The following REN variants were observed in gnomAD, a reference collection of about 807,000 sequenced individuals.
REN encodes renin.
In REN, 42 loss-of-function variants were observed where a neutral mutation model predicts 48.6. The observed-to-expected ratio is 0.86, with a 90% CI of 0.68 to 1.12. The LOEUF is 1.12. Ranked by LOEUF, REN falls within the 50% of genes most tolerant of loss-of-function variation. REN has a pLI of 0.00. For missense variants in REN, 443 were observed against 527.3 expected, an observed-to-expected ratio of 0.84 and a Z score of 1.57; for synonymous variants, 196 against 204.6, an observed-to-expected ratio of 0.96 and a Z score of 0.36.
chr1:204,165,548 T>C (rs1356441610), intron 1 of REN, among the ~76,000 whole-genome samples: 1 of 151,828 alleles, frequency 6.6e-6, no homozygotes, highest in Non-Finnish European at 1.5e-5. Context: ...AACCACGATA[T>C]CAAGCTGCTT....
Position 204,166,094 on chromosome 1 carries a change from A to T in REN, c.98+102T>A, listed in dbSNP as rs1284678864. 12 of 939,738 alleles carry T rather than the reference A, an allele frequency of 1.3e-5. No homozygotes were observed. In the Admixed American group the frequency reaches 1.6e-4, roughly 13 times the overall value. The allele number at this position is 939,738 out of a possible 1,614,324, so 58.2% of individuals were successfully genotyped here. On this transcript the variant is annotated intron_variant, in intron 1 of 9. Coordinates refer to ENST00000272190, the MANE Select transcript of REN (RefSeq NM_000537.4). The stretch of plus-strand genomic sequence containing the variant: ...AGGTCCATACTTCCCTGTCCAGCTG[A>T]TCGTAAGGACTGAATGACACCGCAT...
At chr1:204,160,530 GGGCAGATGA>G (rs772792315) in intron 4 of REN, 21 bp downstream of exon 4, 6 of 1,469,988 alleles carry the variant, frequency 4.1e-6, no homozygotes, top group Non-Finnish European at 5.7e-6. Context: ...AAGGGGTCCG[GGGCAGATGA>G]CCTAGGGCGG....
Position 204,157,359 on chromosome 1 carries a change from A to C in REN, c.698+2T>G. ...AGCCATGTGGGGGTTTTGTCTCCTT[A>C]CTCGGAATCTCTGCAGAGAAAGAGA... On this transcript the variant is annotated splice_donor_variant, in intron 6 of 9. Transcript: ENST00000272190. LOFTEE classifies it high-confidence loss of function. 6.2e-7 allele frequency: 1 copy of C among 1,614,186 alleles called. No individual in the cohort carries two copies. The highest frequency in any genetic ancestry group is 8.5e-7 in the Non-Finnish European group (1 of 1,180,038).
chr1:204,161,963 A>T (rs374058257), intron 2 of REN, 50 bp downstream of exon 2: 18 of 1,609,236 alleles, frequency 1.1e-5, no homozygotes, highest in Non-Finnish European at 1.5e-5. Flanking sequence ...CCCTAGGTCC[A>T]TGAGGGAAAG....
At position 204,156,095 on chromosome 1, in the gene REN, G is replaced by T; in HGVS notation, c.960+83C>A. The T allele has an allele frequency of 6.3e-7, 1 of 1,592,102 alleles. No individual in the cohort carries two copies. The highest frequency in any genetic ancestry group is 1.1e-5 in the South Asian group (1 of 90,432). ...GGTGAACAAGCGAAGGCCTGAGATG[G>T]CCTCATTTGCCTGGGGGATTTGTGA... On this transcript the variant is annotated intron_variant, in intron 8 of 9. Transcript: ENST00000272190. The surrounding 1 kb of genome is among the most constrained non-coding windows in gnomAD (Gnocchi z 4.2).
chr1:204,162,765 G>T (rs1274786671), intron 1 of REN, among the ~76,000 whole-genome samples: 1 of 152,248 alleles, frequency 6.6e-6, no homozygotes, highest in South Asian at 2.1e-4. Flanking sequence ...GACCCCCTGA[G>T]CTGGGTTGGG....
chr1:204,156,185 A>G lies in REN; in HGVS notation c.953T>C (p.Leu318Pro). 6.2e-7 allele frequency: 1 copy of G among 1,614,072 alleles called. No homozygotes were observed. ...CCCTCTTTGGCTTCTTACATCAAAC[A>G]GCCTCTTCTTGGCTCCCAAGGCCTC... is the stretch of plus-strand genomic sequence containing the variant. ...LMEALGAKKR[L>P]FDYVVKCNEG... Residue 318 changes from leucine to proline, a missense_variant, in exon 8 of 10, where the codon CTG becomes CCG. Leu to Pro is a moderately conservative substitution (Grantham distance 98). Transcript: ENST00000272190. This position sits in a 1 kb window ranked among gnomAD's most constrained non-coding sequence, Gnocchi z 4.2.
In REN at chr1:204,159,492, A is replaced by G. The variant is rs754808366; in HGVS notation, c.596T>C (p.Ile199Thr). ...EFDGVVGMGF[I>T]EQAIGRVTPI... ...GGTGACCCTGCCAATGGCCTGTTCA[A>G]TGAAGCCCATGCCCACAACCCCATC... The change falls in exon 5 of 10, where the codon ATT becomes ACT. Residue 199 changes from isoleucine to threonine, a missense_variant. Physicochemically the swap from Ile to Thr is moderately conservative, Grantham distance 89. Transcript: ENST00000272190. 5.6e-6 allele frequency: 9 copies of G among 1,614,046 alleles called. No individual in the cohort carries two copies. Among genetic ancestry groups the G allele is most frequent in the South Asian group, 3.3e-5 (3 of 91,070 alleles).
chr1:204,155,526 A>T (rs545670559), intron 9 of REN, among the ~76,000 whole-genome samples: 1 of 152,300 alleles, frequency 6.6e-6, no homozygotes, highest in East Asian at 1.9e-4. Flanking sequence ...GATTCTTGGG[A>T]GTATTTGATG....
At chr1:204,161,224 G>C in intron 3 of REN, 68 bp downstream of exon 3, 2 of 1,499,058 alleles carry the variant, frequency 1.3e-6, no homozygotes, top group South Asian at 1.4e-5. Context: ...GCTGGGTGTT[G>C]GGCAGGATTG....
rs371421405 is a variant in REN, at chr1:204,155,921, G to A, written c.961-3C>T. On this transcript the variant is annotated splice_polypyrimidine_tract_variant and splice_region_variant and intron_variant, in intron 8 of 9. Coordinates refer to ENST00000272190, the MANE Select transcript of REN (RefSeq NM_000537.4). ...CCCTCGTTACACTTCACGACATACT[G>A]GGGTGGGGGGCAAAGAGAGCCTTCT... 2.5e-6 allele frequency: 4 copies of A among 1,610,902 alleles called. No individual in the cohort carries two copies. The African/African-American group carries it at 5.3e-5, about 22-fold the overall frequency.
chr1:204,161,230 G>T lies in REN; in HGVS notation c.373+62C>A, dbSNP rs1483119025. ...GGGATGGGAGCTGGGTGTTGGGCAG[G>T]ATTGCTCATGCACAGTAGGGCAGGG... On this transcript the variant is annotated intron_variant, in intron 3 of 9. Transcript: ENST00000272190. 7.2e-6 allele frequency: 11 copies of T among 1,517,362 alleles called. No homozygotes were observed. The East Asian group carries it at 2.6e-4, about 35-fold the overall frequency. The allele number at this position is 1,517,362 out of a possible 1,614,324, so 94.0% of individuals were successfully genotyped here.
chr1:204,158,647 G>C (rs2102312325), intron 5 of REN, among the ~76,000 whole-genome samples: 1 of 152,262 alleles, frequency 6.6e-6, no homozygotes, highest in Middle Eastern at 3.4e-3. Flanking sequence ...GTTTGGAGTA[G>C]AGCCCAACCC....
intron 1 of REN, among the ~76,000 whole-genome samples, chr1:204,163,422 T>C (rs1658284481): frequency 6.6e-6 from 1 of 152,214 alleles, no homozygotes; most frequent in South Asian, 2.1e-4. Context: ...TTTGCTCTCA[T>C]AAGGTGGATG....
intron 1 of REN, 132 bp from the exon 2 acceptor site, chr1:204,162,295 C>G (rs892952457): frequency 1.8e-5 from 17 of 967,754 alleles, no homozygotes; most frequent in East Asian, 2.6e-5. Flanking sequence ...GAAATCACCT[C>G]TGTCGCTGAG....
chr1:204,161,543 T>G, intron 2 of REN, 128 bp from the exon 3 acceptor site: 1 of 883,126 alleles, frequency 1.1e-6, no homozygotes, highest in Non-Finnish European at 1.6e-6. Flanking sequence ...TCTCGGGGTT[T>G]CCATTTTCCT....
At position 204,162,118 on chromosome 1, in the gene REN, T is replaced by A. The variant is rs748270341; in HGVS notation, c.144A>T (p.Glu48Asp). ...RMPSIRESLK[E>D]RGVDMARLGP... is the part of the protein sequence containing the mutation. ...CAAGCCTGGCCATGTCCACACCTCG[T>A]TCCTTCAGGCTTTCTCGGATTGAGG... The change falls in exon 2 of 10, where the codon GAA becomes GAT. Residue 48 changes from glutamate to aspartate, a missense_variant. Glu to Asp is a conservative substitution (Grantham distance 45). Transcript: ENST00000272190. 2.5e-6 allele frequency: 4 copies of A among 1,614,120 alleles called. No homozygotes were observed. In the South Asian group the frequency reaches 4.4e-5, roughly 18 times the overall value.
At chr1:204,160,494 G>GAGGGTC in intron 4 of REN, 66 bp downstream of exon 4, 1 of 1,071,332 alleles carries the variant, frequency 9.3e-7, no homozygotes, top group Non-Finnish European at 1.5e-6. Context: ...GTGGGCCCTG[G>GAGGGTC]AGGGTCAGGA....
chr1:204,156,539 A>G lies in REN; in HGVS notation c.818+138T>C. On this transcript the variant is annotated intron_variant, in intron 7 of 9. Transcript: ENST00000272190. The surrounding 1 kb of genome is among the most constrained non-coding windows in gnomAD (Gnocchi z 4.2). ...TCCCCAGCCTGGACAGAGCAGGCAGAGAGCAAATGGTGGCTGTGCTTAAGA... is the reference window on the plus strand; with the variant it reads ...TCCCCAGCCTGGACAGAGCAGGCAGGGAGCAAATGGTGGCTGTGCTTAAGA... The G allele has an allele frequency of 2.9e-6, 4 of 1,389,528 alleles. No homozygotes were observed. The highest frequency in any genetic ancestry group is 1.7e-5 in the Admixed American group (1 of 58,022). The allele number at this position is 1,389,528 out of a possible 1,614,324, so 86.1% of individuals were successfully genotyped here.
Sources: gnomAD v4.1 joint callset for allele counts (sites outside exome capture counted in the v4.1 genomes callset) on GRCh38, gnomAD v4.1.1 for gene constraint, Gnocchi (gnomAD v3.1) non-coding constraint, MANE v1.5 for transcripts, NCBI Gene and HGNC (gene_info 2026-07-23, HGNC 2026-07-21) for gene names.